CALN1: variants seen among roughly 807,000 people sequenced by gnomAD.
The protein encoded by CALN1 is calcium-binding protein 8.
A neutral mutation model predicts 30.6 loss-of-function variants in CALN1; 17 were observed. The ratio of observed to expected loss-of-function variants is 0.56; its 90% CI spans 0.38 to 0.83. The LOEUF (loss-of-function observed/expected upper bound fraction) is 0.83. Ranked by LOEUF, CALN1 falls within the 40% of genes least tolerant of loss-of-function variation. The probability of loss-of-function intolerance (pLI) is 0.00; values close to 1 mark genes in which losing one functional copy is unlikely to be tolerated. For synonymous variants in CALN1, 156 were observed against 131.4 expected (o/e 1.19, Z -1.28); for missense variants, 291 against 354.9 (o/e 0.82, Z 1.45).
intron 5 of CALN1, among the ~76,000 whole-genome samples, chr7:71,891,596 G>A (rs1271200349): frequency 6.6e-6 from 1 of 152,202 alleles, no homozygotes; most frequent in Non-Finnish European, 1.5e-5. Flanking sequence ...ATTACATAGG[G>A]TTCTTGAGAG....
intron 5 of CALN1, among the ~76,000 whole-genome samples, chr7:72,002,718 A>G (rs962698591): frequency 2.6e-5 from 4 of 152,214 alleles, no homozygotes; most frequent in Admixed American, 2.6e-4. Flanking sequence ...ACAGTATTAT[A>G]TTCAGCTTTT....
chr7:72,090,567 G>GA (rs200166693), intron 4 of CALN1, among the ~76,000 whole-genome samples: 1,641 of 152,174 alleles, frequency 0.011, 31 homozygotes, highest in African/African-American at 0.038. Context: ...GAAGTAGCTA[G>GA]AAATGGTAAC....
At chr7:72,203,619 G>A (rs745676360) in intron 3 of CALN1, among the ~76,000 whole-genome samples, 4 of 152,122 alleles carry the variant, frequency 2.6e-5, no homozygotes, top group Non-Finnish European at 5.9e-5. Flanking sequence ...TTTCCAACCA[G>A]TTAAAACAAT....
intron 2 of CALN1, among the ~76,000 whole-genome samples, chr7:72,379,412 G>A (rs1381667684): frequency 6.6e-6 from 1 of 152,218 alleles, no homozygotes; most frequent in African/African-American, 2.4e-5. Context: ...GTTATAGGGT[G>A]CATACCAGAC....
intron 5 of CALN1, among the ~76,000 whole-genome samples, chr7:71,821,683 A>G (rs1054250400): frequency 1.3e-5 from 2 of 152,168 alleles, no homozygotes; most frequent in East Asian, 3.8e-4. Context: ...CGGTCTTTAA[A>G]AAATATTTCA....
chr7:72,474,270 T>A, the CALN1 span, among the ~76,000 whole-genome samples: 14 of 152,228 alleles, frequency 9.2e-5, no homozygotes, highest in Admixed American at 9.2e-4. Flanking sequence ...CTGTGTGGCA[T>A]TGAAAGAAGA....
intron 3 of CALN1, among the ~76,000 whole-genome samples, chr7:72,198,606 A>G (rs1003678062): frequency 6.6e-6 from 1 of 151,920 alleles, no homozygotes; most frequent in Non-Finnish European, 1.5e-5. Context: ...CTTTAAAATA[A>G]CCCACTCCCA....
At chr7:71,963,077 A>G (rs1373789419) in intron 5 of CALN1, among the ~76,000 whole-genome samples, 1 of 152,198 alleles carries the variant, frequency 6.6e-6, no homozygotes, top group African/African-American at 2.4e-5. Context: ...GTTACCAGGT[A>G]AACCTGGAAA....
In CALN1 at chr7:72,336,652, AG is replaced by A. The variant is rs571000553; in HGVS notation, c.120-57843del. 3.3e-4 allele frequency: 318 copies of A among 975,714 alleles called. 3 individuals are homozygous for A. In the South Asian group the frequency reaches 5.1e-3, roughly 16 times the overall value. The allele number at this position is 975,714 out of a possible 1,614,324, so 60.4% of individuals were successfully genotyped here. A position where few individuals can be genotyped will look rare whatever the true frequency, so the allele number is the denominator to read the frequency against. ...GAGAGAAGCGAGGACCGAGGGAAGA[AG>A]AAAAGAGAGCGCGCGCGCGGGTAAG... On this transcript the variant is annotated intron_variant, in intron 2 of 6. Coordinates refer to ENST00000395275, the MANE Select transcript of CALN1 (RefSeq NM_031468.4).
rs747237818 is a variant in CALN1 at position 72,436,480 on chromosome 7, G to A, written c.-226+10562C>T. 4.9e-4 allele frequency among the ~76,000 whole-genome samples: 75 copies of A among 152,164 alleles called. 2 individuals carry two copies. The highest frequency in any genetic ancestry group is 3.1e-4 in the African/African-American group (13 of 41,506). On this transcript the variant is annotated intron_variant, in intron 1 of 6. Coordinates refer to the CALN1 transcript ENST00000395276. ...TTTTCTTTATAAATTACCCAGTCTC[G>A]GGTATGTCTTTATCAGCAACATGAG...
At chr7:71,862,582 T>C (rs946061584) in intron 5 of CALN1, among the ~76,000 whole-genome samples, 2 of 152,194 alleles carry the variant, frequency 1.3e-5, no homozygotes, top group African/African-American at 4.8e-5. Flanking sequence ...TTTTATGAAT[T>C]ACCCAGTCTC....
intron 3 of CALN1, among the ~76,000 whole-genome samples, chr7:72,169,560 T>C (rs1585083142): frequency 6.6e-6 from 1 of 151,206 alleles, no homozygotes; most frequent in Non-Finnish European, 1.5e-5. Flanking sequence ...TAGCCTCAGG[T>C]GATTTTTTTG....
At chr7:71,981,365 T>G (rs953277141) in intron 5 of CALN1, among the ~76,000 whole-genome samples, 1 of 151,996 alleles carries the variant, frequency 6.6e-6, no homozygotes, top group Non-Finnish European at 1.5e-5. Flanking sequence ...GCTGACATCG[T>G]GAGGCATCCA....
chr7:72,327,886 C>G (rs921503740), intron 2 of CALN1, among the ~76,000 whole-genome samples: 3 of 152,112 alleles, frequency 2.0e-5, no homozygotes, highest in African/African-American at 7.2e-5. Flanking sequence ...AAAAGGTCAT[C>G]TTGGTTTCAA....
chr7:72,205,553 T>A (rs201870891), intron 3 of CALN1, among the ~76,000 whole-genome samples: 3,817 of 56,210 alleles, frequency 0.068, 376 homozygotes, highest in South Asian at 0.22. Context: ...AAAAAAAAAA[T>A]ATATATATAT....
chr7:72,221,312 C>CTT (rs1174615183), intron 3 of CALN1, among the ~76,000 whole-genome samples: 1,385 of 88,758 alleles, frequency 0.016, 15 homozygotes, highest in African/African-American at 0.024. Flanking sequence ...GTCTTGGCTT[C>CTT]TTTTTTTTTT....
chr7:72,253,852 T>G (rs1274597908), intron 3 of CALN1, among the ~76,000 whole-genome samples: 1 of 152,216 alleles, frequency 6.6e-6, no homozygotes, highest in Non-Finnish European at 1.5e-5. Flanking sequence ...GCAATTCTCC[T>G]GCCTCCGCCT....
At chr7:72,294,855 A>G (rs1220906667) in intron 2 of CALN1, among the ~76,000 whole-genome samples, 2 of 152,132 alleles carry the variant, frequency 1.3e-5, no homozygotes, top group Non-Finnish European at 2.9e-5. Context: ...GACAAAAAAT[A>G]AAAACAAAAA....
intron 3 of CALN1, among the ~76,000 whole-genome samples, chr7:72,227,304 CCAAGGTAAGCAGATAACTAAAGGT>C (rs1402545284): frequency 1.3e-5 from 2 of 151,262 alleles, no homozygotes; most frequent in African/African-American, 4.9e-5. Context: ...CTTTGAGAGG[CCAAGGTAAGCAGATAACTAAAGGT>C]CAGGAGTTCA....
Sources: allele counts gnomAD v4.1 joint callset (sites outside exome capture counted in the v4.1 genomes callset), GRCh38; gene constraint gnomAD v4.1.1; transcripts MANE v1.5; gene names NCBI Gene and HGNC (gene_info 2026-07-23, HGNC 2026-07-21).